COLEC12: variants seen among roughly 807,000 people sequenced by gnomAD.
The protein encoded by COLEC12 is collectin subfamily member 12, also known as collectin-12.
Under a neutral mutation model 71.1 loss-of-function variants are expected in COLEC12, and 33 were observed. The ratio of observed to expected loss-of-function variants is 0.46; its 90% confidence interval spans 0.35 to 0.62. COLEC12 has a LOEUF of 0.62. Among genes scored for constraint, COLEC12 ranks in the 20% least tolerant of loss-of-function variants. COLEC12 has a pLI of 0.00. For missense variants in COLEC12, 765 were observed against 916.1 expected (o/e 0.84, Z 2.13); for synonymous variants, 350 against 353.0 (o/e 0.99, Z 0.10).
intron 3 of COLEC12, among the ~76,000 whole-genome samples, chr18:355,543 T>C (rs139983718): frequency 1.1e-3 from 172 of 152,338 alleles, no homozygotes; most frequent in Admixed American, 9.1e-3. Context: ...ACTCTTTTTG[T>C]ATAATTCTGA....
intron 2 of COLEC12, among the ~76,000 whole-genome samples, chr18:420,869 C>T (rs985513498): frequency 1.9e-4 from 13 of 69,124 alleles, no homozygotes; most frequent in African/African-American, 5.3e-4. Context: ...AACTAACCAA[C>T]CTAGAGCCAC....
At chr18:419,827 T>C (rs1442046676) in intron 2 of COLEC12, among the ~76,000 whole-genome samples, 1 of 152,000 alleles carries the variant, frequency 6.6e-6, no homozygotes, top group Non-Finnish European at 1.5e-5. Flanking sequence ...TTGGTGGGGG[T>C]GATCTCTGTG....
intron 2 of COLEC12, among the ~76,000 whole-genome samples, chr18:361,500 A>C (rs902640030): frequency 8.6e-5 from 13 of 152,034 alleles, no homozygotes; most frequent in Non-Finnish European, 1.8e-4. Flanking sequence ...AAAAAACAAA[A>C]CAACAAGCTT....
In COLEC12 at chr18:446,574, A is replaced by C. The variant is rs569787948; in HGVS notation, c.58+34133T>G. The stretch of plus-strand genomic sequence containing the variant: ...AAAAAATTTTTTTTTTTTTTTGTTT[A>C]AGTAGCCAGGCATGGGAGCACACAC... On this transcript the variant is annotated intron_variant, in intron 2 of 9. Coordinates refer to ENST00000400256, the MANE Select transcript of COLEC12 (RefSeq NM_130386.3). Among the ~76,000 whole-genome samples the C allele has an allele frequency of 8.1e-4, 119 of 147,216 alleles. 1 individual carries two copies. The South Asian group carries it at 0.023, about 29-fold the overall frequency.
chr18:471,880 C>T (rs1917205710), intron 2 of COLEC12, among the ~76,000 whole-genome samples: 1 of 152,098 alleles, frequency 6.6e-6, no homozygotes, highest in Non-Finnish European at 1.5e-5. Flanking sequence ...GGACTTGTGA[C>T]TCAACGTTGG....
rs1598378789 is a variant in COLEC12, at chr18:480,610, T to C, written c.58+97A>G. 2 of 1,078,818 alleles carry C rather than the reference T, an allele frequency of 1.9e-6. No homozygotes were observed. The highest frequency in any genetic ancestry group is 1.7e-5 in the Admixed American group (1 of 58,910). 66.8% of individuals were successfully genotyped at this position (1,078,818 alleles called of 1,614,324 possible). ...TCAGAGCCACAAACACCCATGTGCA[T>C]GAAGGGCCTGCCAGTGGCCTGCCAA... On this transcript the variant is annotated intron_variant, in intron 2 of 9. Transcript: ENST00000400256. This position sits in a 1 kb window ranked among gnomAD's most constrained non-coding sequence, Gnocchi z 4.1.
At chr18:478,702 T>C (rs996656851) in intron 2 of COLEC12, among the ~76,000 whole-genome samples, 2 of 152,238 alleles carry the variant, frequency 1.3e-5, no homozygotes, top group Non-Finnish European at 2.9e-5. Context: ...TGGATATCCA[T>C]CGCCTTGCCT....
intron 2 of COLEC12, among the ~76,000 whole-genome samples, chr18:377,951 C>G (rs1915149640): frequency 6.6e-6 from 1 of 152,116 alleles, no homozygotes; most frequent in South Asian, 2.1e-4. Context: ...GTGGTTTCAT[C>G]TGGACATTGA....
chr18:448,475 T>C (rs1369369484), intron 2 of COLEC12, among the ~76,000 whole-genome samples: 1 of 152,198 alleles, frequency 6.6e-6, no homozygotes, highest in Non-Finnish European at 1.5e-5. Flanking sequence ...CTCTGTTATA[T>C]AAAAACAAAT....
chr18:370,007 G>A (rs141306675), intron 2 of COLEC12, among the ~76,000 whole-genome samples: 21 of 152,118 alleles, frequency 1.4e-4, no homozygotes, highest in African/African-American at 4.1e-4. Context: ...ATTAAAACCC[G>A]ACCTACAAGG....
At chr18:433,393 T>G (rs1916342569) in intron 2 of COLEC12, among the ~76,000 whole-genome samples, 1 of 152,192 alleles carries the variant, frequency 6.6e-6, no homozygotes, top group Admixed American at 6.5e-5. Context: ...AAACCAAGGA[T>G]GCCTGGGGCT....
intron 3 of COLEC12, among the ~76,000 whole-genome samples, chr18:356,647 C>T (rs932614505): frequency 1.6e-4 from 24 of 152,318 alleles, no homozygotes; most frequent in Admixed American, 1.3e-3. Flanking sequence ...GTTTGCCTCA[C>T]GTGTCTTTTA....
intron 2 of COLEC12, among the ~76,000 whole-genome samples, chr18:369,413 A>ATTTTTT (rs1914948908): frequency 2.6e-5 from 3 of 116,192 alleles, no homozygotes; most frequent in Non-Finnish European, 1.8e-5. Context: ...TTTTATTTTT[A>ATTTTTT]TTTTTATTTT....
intron 2 of COLEC12, among the ~76,000 whole-genome samples, chr18:361,195 C>T (rs1350795513): frequency 6.6e-6 from 1 of 152,140 alleles, no homozygotes; most frequent in Non-Finnish European, 1.5e-5. Context: ...ATCCCTTACA[C>T]ACAGCATCTC....
At chr18:384,959 A>G (rs1443607532) in intron 2 of COLEC12, among the ~76,000 whole-genome samples, 2 of 152,234 alleles carry the variant, frequency 1.3e-5, no homozygotes, top group Non-Finnish European at 2.9e-5. Context: ...AACTTAAAAT[A>G]CAGCAATAAA....
chr18:420,224 T>C (rs534780283), intron 2 of COLEC12, among the ~76,000 whole-genome samples: 2 of 152,314 alleles, frequency 1.3e-5, no homozygotes, highest in South Asian at 2.1e-4. Context: ...TTTCATGCAA[T>C]AGATAACTGG....
chr18:493,993 A>C (rs1196041152), intron 1 of COLEC12, among the ~76,000 whole-genome samples: 1 of 152,238 alleles, frequency 6.6e-6, no homozygotes, highest in East Asian at 1.9e-4. Flanking sequence ...GTACTAAAAA[A>C]AAAACAGTGC....
chr18:375,961 A>T (rs1455472188), intron 2 of COLEC12, among the ~76,000 whole-genome samples: 1 of 152,230 alleles, frequency 6.6e-6, no homozygotes, highest in Non-Finnish European at 1.5e-5. Context: ...TGATGAAGGC[A>T]ATTGGGTAGT....
intron 2 of COLEC12, among the ~76,000 whole-genome samples, chr18:439,655 T>C (rs1916475396): frequency 6.6e-6 from 1 of 152,114 alleles, no homozygotes; most frequent in South Asian, 2.1e-4. Flanking sequence ...CTCACACATG[T>C]TAGAATGGCT....
Sources: allele counts gnomAD v4.1 joint callset (sites outside exome capture counted in the v4.1 genomes callset), GRCh38; gene constraint gnomAD v4.1.1; non-coding constraint Gnocchi (gnomAD v3.1); transcripts MANE v1.5; gene names NCBI Gene and HGNC (gene_info 2026-07-23, HGNC 2026-07-21).